Variants in NLRP5 observed in about 807,000 individuals in gnomAD.
NLRP5 encodes NLR family pyrin domain containing 5.
In NLRP5, 93 loss-of-function variants were observed where a neutral mutation model predicts 113.1. That is an observed-to-expected ratio of 0.82 (90% CI 0.70 to 0.98). NLRP5 has a LOEUF of 0.98. Ranked by LOEUF, NLRP5 falls within the 50% of genes least tolerant of loss-of-function variation. NLRP5 has a pLI of 0.00. For missense variants in NLRP5, 1,808 were observed against 1,514.3 expected, an observed-to-expected ratio of 1.19 and a Z score of -3.22; for synonymous variants, 751 against 600.7, an observed-to-expected ratio of 1.25 and a Z score of -3.66.
At chr19:56,005,287 TTTTA>T (rs1320102089) in intron 2 of NLRP5, among the ~76,000 whole-genome samples, 1 of 146,746 alleles carries the variant, frequency 6.8e-6, no homozygotes, top group East Asian at 1.9e-4. Flanking sequence ...ACACATATAT[TTTTA>T]TATATACACA....
At chr19:56,049,686 T>C (rs763398366) in intron 11 of NLRP5, among the ~76,000 whole-genome samples, 6 of 152,146 alleles carry the variant, frequency 3.9e-5, no homozygotes, top group Non-Finnish European at 7.3e-5. Context: ...AAAATGTGTC[T>C]AAAGTTTCCT....
At chr19:56,046,975 A>G (rs1983751430) in intron 11 of NLRP5, among the ~76,000 whole-genome samples, 1 of 152,158 alleles carries the variant, frequency 6.6e-6, no homozygotes, top group Non-Finnish European at 1.5e-5. Context: ...TTAAGCTAGG[A>G]GGGTTGGATC....
rs933148995 is a variant in NLRP5, at chr19:56,048,258, TTGTTGCCTG to T, written c.2958-2156_2958-2148del. Among the ~76,000 whole-genome samples, 52 of 152,346 alleles carry T rather than the reference TTGTTGCCTG, an allele frequency of 3.4e-4. 1 individual carries two copies. The highest frequency in any genetic ancestry group is 2.7e-3 in the Admixed American group (42 of 15,294). Reference sequence around the variant, plus strand: ...GGTACCATTGCATTCATCGTTCTCTTTGTTGCCTGTGTACCTTGGGTTTTGTTTTTTGTT... The same window carrying T: ...GGTACCATTGCATTCATCGTTCTCTTTGTACCTTGGGTTTTGTTTTTTGTT... On this transcript the variant is annotated intron_variant, in intron 11 of 14. Coordinates refer to ENST00000390649, the MANE Select transcript of NLRP5 (RefSeq NM_153447.4).
At position 56,027,193 on chromosome 19, in the gene NLRP5, C is replaced by G. The variant is rs777265951; in HGVS notation, c.960C>G (p.Pro320=). 9.2e-5 allele frequency: 148 copies of G among 1,609,980 alleles called. No individual in the cohort carries two copies. The East Asian group carries it at 2.6e-3, about 28-fold the overall frequency. ...TGTTCTCCTACGTCTTCTTCCTCCC[C>G]GTTAGAGAGATGCAGCGGAAGAAGG... Residue 320 remains proline, a synonymous_variant, in exon 7 of 15, where the codon CCC becomes CCG. Coordinates refer to ENST00000390649, the MANE Select transcript of NLRP5 (RefSeq NM_153447.4).
At chr19:56,041,865 C>CT (rs1983534977) in intron 11 of NLRP5, among the ~76,000 whole-genome samples, 1 of 152,178 alleles carries the variant, frequency 6.6e-6, no homozygotes, top group Non-Finnish European at 1.5e-5. Flanking sequence ...AGGACAACCA[C>CT]TTGAACCTGC....
chr19:56,058,280 C>G lies in NLRP5; in HGVS notation c.3340C>G (p.Leu1114Val). 6.2e-7 allele frequency: 1 copy of G among 1,613,892 alleles called. No homozygotes were observed. The highest frequency in any genetic ancestry group is 8.5e-7 in the Non-Finnish European group (1 of 1,179,820). The stretch of plus-strand genomic sequence containing the variant: ...ACTGACTTCTGATTGCTGTGAGGCA[C>G]TCTCCTTGGCCCTTTCCTGCAACCG... Residue 1114 changes from leucine to valine, a missense_variant, in exon 14 of 15, where the codon CTC becomes GTC. Transcript: ENST00000390649.
At chr19:55,992,398 G>T in the NLRP5 span, among the ~76,000 whole-genome samples, 2 of 152,152 alleles carry the variant, frequency 1.3e-5, no homozygotes, top group East Asian at 3.8e-4. Context: ...GTGATGGGAT[G>T]GCTGGGTCCA....
chr19:55,993,460 T>C, the NLRP5 span, among the ~76,000 whole-genome samples: 3 of 220 alleles, frequency 0.014, no homozygotes, highest in Non-Finnish European at 0.024. Flanking sequence ...CCCCCCTCTC[T>C]CCCCCCTCTC....
the NLRP5 span, among the ~76,000 whole-genome samples, chr19:55,990,957 C>G: frequency 6.6e-6 from 1 of 152,092 alleles, no homozygotes; most frequent in Non-Finnish European, 1.5e-5. Context: ...GTACTCTAGC[C>G]TGGGCAACAA....
At chr19:56,060,835 C>T (rs9807815) in intron 14 of NLRP5, among the ~76,000 whole-genome samples, 16,787 of 151,886 alleles carry the variant, frequency 0.11, 1,047 homozygotes, top group African/African-American at 0.17. Context: ...GGAGATTTGT[C>T]GGGGGAAAAA....
chr19:55,989,887 C>T, the NLRP5 span, among the ~76,000 whole-genome samples: 3 of 152,022 alleles, frequency 2.0e-5, no homozygotes, highest in African/African-American at 4.8e-5. Context: ...AAAGATGGCA[C>T]CCATTTACAC....
rs1324677690 is a variant in NLRP5 at position 56,053,804 on chromosome 19, C to G, written c.3295C>G (p.Leu1099Val). 5.0e-6 allele frequency: 8 copies of G among 1,612,986 alleles called. No individual in the cohort carries two copies. The African/African-American group carries it at 1.1e-4, about 22-fold the overall frequency. ...GCAAAAGAACAGTGTTCTGGCGAGA[C>G]TCGGGTAACTTCCTGGGGCGCCTCT... is the stretch of plus-strand genomic sequence containing the variant. The change falls in exon 13 of 15, where the codon CTC (leucine) becomes GTC (valine). Residue 1099 changes from leucine to valine, a missense_variant. By Grantham distance (32) the Leu-to-Val change is conservative. Transcript: ENST00000390649.
intron 2 of NLRP5, among the ~76,000 whole-genome samples, chr19:56,007,952 T>G (rs1982009656): frequency 7.4e-6 from 1 of 135,722 alleles, no homozygotes; most frequent in Non-Finnish European, 1.6e-5. Context: ...AGAGTCTTGC[T>G]CTGTCGCCCA....
chr19:56,031,727 T>G (rs1983123358), intron 7 of NLRP5, among the ~76,000 whole-genome samples: 2 of 152,134 alleles, frequency 1.3e-5, no homozygotes, highest in South Asian at 4.1e-4. Context: ...TCCAGGTTCA[T>G]CCACACTGTC....
chr19:55,992,039 T>A, the NLRP5 span, among the ~76,000 whole-genome samples: 1 of 152,048 alleles, frequency 6.6e-6, no homozygotes, highest in Non-Finnish European at 1.5e-5. Flanking sequence ...CACCCTCAGG[T>A]AGACCCCAGT....
chr19:55,999,215 T>TC (rs1332620945), upstream of NLRP5, among the ~76,000 whole-genome samples: 138 of 144,998 alleles, frequency 9.5e-4, 1 homozygote, highest in African/African-American at 2.7e-3. Flanking sequence ...TCTTTTTCTT[T>TC]TTTTTTTTTT....
intron 13 of NLRP5, among the ~76,000 whole-genome samples, 198 bp downstream of exon 13, chr19:56,054,006 A>T (rs1984034442): frequency 6.6e-6 from 1 of 152,098 alleles, no homozygotes; most frequent in Non-Finnish European, 1.5e-5. Flanking sequence ...TGAAGTGGCA[A>T]ATGCTTGGGA....
intron 6 of NLRP5, 76 bp from the exon 7 acceptor site, chr19:56,026,836 AC>A: frequency 6.9e-7 from 1 of 1,455,986 alleles, no homozygotes; most frequent in Non-Finnish European, 9.2e-7. Flanking sequence ...TTGACCTCCC[AC>A]AGTGCTGGGA....
At chr19:56,030,737 C>T (rs1204246130) in intron 7 of NLRP5, among the ~76,000 whole-genome samples, 5 of 824 alleles carry the variant, frequency 6.1e-3, no homozygotes, top group Non-Finnish European at 0.015. Context: ...TTTTTTGAGA[C>T]GGAGTCTTGC....
Sources: gnomAD v4.1 joint callset for allele counts (sites outside exome capture counted in the v4.1 genomes callset) on GRCh38, gnomAD v4.1.1 for gene constraint, MANE v1.5 for transcripts, NCBI Gene and HGNC (gene_info 2026-07-23, HGNC 2026-07-21) for gene names.